The following MOB3A variants were observed in gnomAD, a reference collection of about 807,000 sequenced individuals.
MOB3A encodes the protein MOB kinase activator 3A, also known as MOB LAK.
In MOB3A, 17 loss-of-function variants were observed where a neutral mutation model predicts 17.8. The ratio of observed to expected loss-of-function variants is 0.95; its 90% confidence interval spans 0.65 to 1.43. The LOEUF (loss-of-function observed/expected upper bound fraction) is 1.43. Ranked by LOEUF, MOB3A falls within the 40% of genes most tolerant of loss-of-function variation. The probability of loss-of-function intolerance (pLI) is 0.00; values close to 1 mark genes in which losing one functional copy is unlikely to be tolerated. For synonymous variants in MOB3A, 124 were observed against 133.2 expected, an observed-to-expected ratio of 0.93 and a Z score of 0.48; for missense variants, 333 against 310.8, an observed-to-expected ratio of 1.07 and a Z score of -0.54.
rs981870133 is a variant in MOB3A at position 2,093,035 on chromosome 19, T to A, written c.-274+3191A>T. On this transcript the variant is annotated intron_variant, in intron 1 of 4. Transcript: ENST00000357066. The surrounding 1 kb of genome is among the most constrained non-coding windows in gnomAD (Gnocchi z 4.6). ...AATGCCAGGAAAACAGGAACAGAGC[T>A]CATCGGCTGGGGAAGGTCTAAAACT... Among the ~76,000 whole-genome samples the A allele has an allele frequency of 7.9e-5, 12 of 151,986 alleles. No individual in the cohort carries two copies. Among genetic ancestry groups the A allele is most frequent in the Non-Finnish European group, 1.5e-4 (10 of 68,000 alleles).
rs1258752419 is a variant in MOB3A at position 2,076,892 on chromosome 19, G to C, written c.543C>G (p.Ala181=). 3 of 1,613,984 alleles carry C rather than the reference G, an allele frequency of 1.9e-6. No homozygotes were observed. In the African/African-American group the frequency reaches 4.0e-5, roughly 22 times the overall value. Reference sequence around the variant, plus strand: ...AGTGCTTGTAGCAGGTGTTCACGTGGGCCTCGGAGCCCATCTGCGCGATGC... The same window carrying C: ...AGTGCTTGTAGCAGGTGTTCACGTGCGCCTCGGAGCCCATCTGCGCGATGC... ...FDRIAQMGSE[A]HVNTCYKHFY... The change falls in exon 4 of 5, where the codon GCC becomes GCG. Residue 181 remains alanine, a synonymous_variant. Coordinates refer to ENST00000357066, the MANE Select transcript of MOB3A (RefSeq NM_130807.3).
At position 2,079,969 on chromosome 19, in the gene MOB3A, GGACAGA is replaced by G. The variant is rs1230075451; in HGVS notation, c.-119-1296_-119-1291del. Among the ~76,000 whole-genome samples the G allele has an allele frequency of 5.9e-5, 9 of 152,216 alleles. No individual in the cohort carries two copies. The East Asian group carries it at 1.5e-3, about 26-fold the overall frequency. On this transcript the variant is annotated intron_variant, in intron 2 of 4. Coordinates refer to ENST00000357066, the MANE Select transcript of MOB3A (RefSeq NM_130807.3). ...TCCTACTCCCCTGAGAATTCTCAGG[GGACAGA>G]GACAGAGTCCATCCCGCACAGGGCG... is the stretch of plus-strand genomic sequence containing the variant.
At chr19:2,079,948 A>C (rs1315571505) in intron 2 of MOB3A, among the ~76,000 whole-genome samples, 1 of 151,798 alleles carries the variant, frequency 6.6e-6, no homozygotes, top group African/African-American at 2.4e-5. Flanking sequence ...GCGTCCTCCT[A>C]CTCCCCTGAG....
At chr19:2,088,129 A>G (rs2017574079) in intron 1 of MOB3A, among the ~76,000 whole-genome samples, 1 of 152,160 alleles carries the variant, frequency 6.6e-6, no homozygotes. Flanking sequence ...TGTGGTTGTC[A>G]TAACTGGAGG....
chr19:2,078,751 A>G, intron 2 of MOB3A, 72 bp from the exon 3 acceptor site: 1 of 573,788 alleles, frequency 1.7e-6, no homozygotes, highest in Non-Finnish European at 3.0e-6. Flanking sequence ...TGAGGGCACA[A>G]GCGGCAGGAT....
chr19:2,094,892 C>T (rs1488106988), intron 1 of MOB3A, among the ~76,000 whole-genome samples: 1 of 152,220 alleles, frequency 6.6e-6, no homozygotes, highest in Non-Finnish European at 1.5e-5. Flanking sequence ...CAGTGTGGGC[C>T]GGGCGCGGTG....
At chr19:2,090,311 C>G (rs1159498998) in intron 1 of MOB3A, 1 of 152,290 alleles carries the variant, frequency 6.6e-6, no homozygotes, top group East Asian at 1.9e-4. Context: ...CTTCCTTTTT[C>G]TTCTCATTTG....
chr19:2,081,288 G>GA (rs1417519538), intron 2 of MOB3A, among the ~76,000 whole-genome samples: 2 of 152,096 alleles, frequency 1.3e-5, no homozygotes, highest in East Asian at 1.9e-4. Flanking sequence ...GCATTGTTTG[G>GA]AAAAAAAGCA....
In MOB3A at chr19:2,073,098, C is replaced by T. The variant is rs910522264; in HGVS notation, c.*297G>A. 1 of 494,906 alleles carries T rather than the reference C, an allele frequency of 2.0e-6. No homozygotes were observed. The highest frequency in any genetic ancestry group is 3.6e-6 in the Non-Finnish European group (1 of 277,606). 30.7% of individuals were successfully genotyped at this position (494,906 alleles called of 1,614,324 possible). A position where few individuals can be genotyped will look rare whatever the true frequency, so the allele number is the denominator to read the frequency against. On this transcript the variant is annotated 3_prime_UTR_variant, in exon 5 of 5. Coordinates refer to ENST00000357066, the MANE Select transcript of MOB3A (RefSeq NM_130807.3). Reference sequence around the variant, plus strand: ...AGGAGTGACCCTGGAAGCCATCCAGCCTCCTGGAAAGTGGAAGTGGTTTAA... The same window carrying T: ...AGGAGTGACCCTGGAAGCCATCCAGTCTCCTGGAAAGTGGAAGTGGTTTAA...
intron 2 of MOB3A, among the ~76,000 whole-genome samples, chr19:2,079,379 G>A (rs1032817841): frequency 6.6e-6 from 1 of 152,272 alleles, no homozygotes; most frequent in Non-Finnish European, 1.5e-5. Flanking sequence ...GTGCATGGCA[G>A]CCTAGGTGGA....
chr19:2,073,321 T>C lies in MOB3A; in HGVS notation c.*74A>G, dbSNP rs965025835. 4 of 1,570,128 alleles carry C rather than the reference T, an allele frequency of 2.5e-6. No homozygotes were observed. Among genetic ancestry groups the C allele is most frequent in the Non-Finnish European group, 3.5e-6 (4 of 1,144,576 alleles). On this transcript the variant is annotated 3_prime_UTR_variant, in exon 5 of 5. Coordinates refer to ENST00000357066, the MANE Select transcript of MOB3A (RefSeq NM_130807.3). Reference sequence around the variant, plus strand: ...CTCAGGCCGGAGAGAAGCGGGATGATGGTTCCAGAGCGTCCTCCTCCAAGT... The same window carrying C: ...CTCAGGCCGGAGAGAAGCGGGATGACGGTTCCAGAGCGTCCTCCTCCAAGT...
intron 1 of MOB3A, among the ~76,000 whole-genome samples, chr19:2,095,928 C>T (rs758584159): frequency 6.6e-6 from 1 of 151,908 alleles, no homozygotes; most frequent in Non-Finnish European, 1.5e-5. Flanking sequence ...ATTTTTGGTA[C>T]AGACGGGGTT....
At chr19:2,088,069 G>A (rs1235116196) in intron 1 of MOB3A, among the ~76,000 whole-genome samples, 1 of 152,186 alleles carries the variant, frequency 6.6e-6, no homozygotes, top group African/African-American at 2.4e-5. Flanking sequence ...CTCACCTGGG[G>A]GGCGATTCTG....
At chr19:2,074,916 A>G (rs979605765) in intron 4 of MOB3A, among the ~76,000 whole-genome samples, 2 of 151,582 alleles carry the variant, frequency 1.3e-5, no homozygotes, top group Non-Finnish European at 1.5e-5. Context: ...ATGGGGTTTC[A>G]CCATGTTGGC....
chr19:2,074,375 A>G (rs946213547), intron 4 of MOB3A, among the ~76,000 whole-genome samples: 1 of 152,078 alleles, frequency 6.6e-6, no homozygotes, highest in Non-Finnish European at 1.5e-5. Flanking sequence ...GTTCTGGAAT[A>G]CAGAAAAAAA....
chr19:2,094,866 G>A (rs2017654559), intron 1 of MOB3A, among the ~76,000 whole-genome samples: 1 of 152,220 alleles, frequency 6.6e-6, no homozygotes, highest in Non-Finnish European at 1.5e-5. Flanking sequence ...GAAGAAAAAA[G>A]CAAGTGCGAA....
At chr19:2,094,620 G>T (rs2017650212) in intron 1 of MOB3A, among the ~76,000 whole-genome samples, 1 of 152,228 alleles carries the variant, frequency 6.6e-6, no homozygotes, top group African/African-American at 2.4e-5. Flanking sequence ...TTCCGTAAAA[G>T]GGAAGCCCCT....
Position 2,073,350 on chromosome 19 carries a change from C to T in MOB3A, c.*45G>A, listed in dbSNP as rs138583524. The stretch of plus-strand genomic sequence containing the variant: ...TCCAGAGCGTCCTCCTCCAAGTCTC[C>T]GAGGCCCCAGCGGCGGTTCGGGCAC... On this transcript the variant is annotated 3_prime_UTR_variant, in exon 5 of 5. Transcript: ENST00000357066. 808 of 1,610,572 alleles carry T rather than the reference C, an allele frequency of 5.0e-4. 4 individuals are homozygous for T. In the African/African-American group the frequency reaches 9.4e-3, roughly 19 times the overall value.
chr19:2,073,397 A>C lies in MOB3A; in HGVS notation c.652T>G (p.Ter218GlyextTer74). 1 of 1,613,686 alleles carries C rather than the reference A, an allele frequency of 6.2e-7. No homozygotes were observed. Among genetic ancestry groups the C allele is most frequent in the African/African-American group, 1.3e-5 (1 of 75,042 alleles). ...LKEMTARMCH[*>G] ...GCACCGGGAGACCCGCGGGGCTCTC[A>C]GTGGCACATCCGGGCGGTCATTTCT... The change falls in exon 5 of 5, where the codon TGA (stop) becomes GGA (glycine). Residue 218 changes from the stop codon to glycine (G), a stop_lost. Coordinates refer to ENST00000357066, the MANE Select transcript of MOB3A (RefSeq NM_130807.3).
Sources: gnomAD v4.1 joint callset for allele counts (sites outside exome capture counted in the v4.1 genomes callset) on GRCh38, gnomAD v4.1.1 for gene constraint, Gnocchi (gnomAD v3.1) non-coding constraint, MANE v1.5 for transcripts, NCBI Gene and HGNC (gene_info 2026-07-23, HGNC 2026-07-21) for gene names.